Variants in KIFAP3 observed in about 807,000 individuals in gnomAD.
KIFAP3 encodes the protein kinesin associated protein 3.
KIFAP3 carries 68 observed loss-of-function variants against 106.5 expected under a neutral mutation model. The observed-to-expected ratio is 0.64, with a 90% CI of 0.53 to 0.78. KIFAP3 has a LOEUF of 0.78. Ranked by LOEUF, KIFAP3 falls within the 30% of genes least tolerant of loss-of-function variation. KIFAP3 has a pLI of 0.00. For missense variants in KIFAP3, 780 were observed against 941.8 expected, an observed-to-expected ratio of 0.83 and a Z score of 2.25; for synonymous variants, 320 against 311.5, an observed-to-expected ratio of 1.03 and a Z score of -0.29.
intron 11 of KIFAP3, among the ~76,000 whole-genome samples, chr1:169,987,368 AC>A (rs1666881570): frequency 6.6e-6 from 1 of 152,024 alleles, no homozygotes; most frequent in Non-Finnish European, 1.5e-5. Flanking sequence ...GACTGAAATC[AC>A]TGTGTCTAGA....
At chr1:169,964,751 C>T (rs927255688) in intron 17 of KIFAP3, among the ~76,000 whole-genome samples, 8 of 152,070 alleles carry the variant, frequency 5.3e-5, no homozygotes, top group Non-Finnish European at 8.8e-5. Flanking sequence ...AAATACCAAG[C>T]GATACCTCAT....
Position 169,983,297 on chromosome 1 carries a change from A to T in KIFAP3, c.1479T>A (p.His493Gln), listed in dbSNP as rs1387109236. The change falls in exon 13 of 20, where the codon CAT becomes CAA. Residue 493 changes from histidine (H) to glutamine (Q), a missense_variant. By Grantham distance (24) the His-to-Gln change is conservative. This residue lies in a region of KIFAP3 where 588 missense variants were observed against 678.9 expected (regional missense o/e 0.87). Coordinates refer to ENST00000361580, the MANE Select transcript of KIFAP3 (RefSeq NM_014970.4). ...TAAACAGATTTTTAGTTGGTCCATC[A>T]TGCTGAGAAATGTTTCTAATCATTT... is the stretch of plus-strand genomic sequence containing the variant. Reference protein sequence around the residue: ...LMKMIRNISQHDGPTKNLFID... With the variant: ...LMKMIRNISQQDGPTKNLFID... The T allele has an allele frequency of 6.2e-6, 10 of 1,607,018 alleles. No homozygotes were observed. The highest frequency in any genetic ancestry group is 1.3e-5 in the African/African-American group (1 of 74,544).
At chr1:170,013,843 A>G (rs1412350927) in intron 10 of KIFAP3, among the ~76,000 whole-genome samples, 2 of 152,194 alleles carry the variant, frequency 1.3e-5, no homozygotes, top group East Asian at 3.8e-4. Context: ...GAATGTAGCA[A>G]TATGAATTTG....
At chr1:170,022,737 T>TAGA (rs150049915) in intron 9 of KIFAP3, among the ~76,000 whole-genome samples, 9,584 of 152,240 alleles carry the variant, frequency 0.063, 380 homozygotes, top group Non-Finnish European at 0.095. Flanking sequence ...CTCTTAATCT[T>TAGA]AGAATAACAA....
At chr1:170,082,999 T>G (rs191418955) in intron 1 of KIFAP3, among the ~76,000 whole-genome samples, 1 of 151,814 alleles carries the variant, frequency 6.6e-6, no homozygotes. Context: ...ATAAACACAG[T>G]TGAAGAGAAA....
At chr1:169,997,436 T>C (rs1011978176) in intron 10 of KIFAP3, among the ~76,000 whole-genome samples, 9 of 152,286 alleles carry the variant, frequency 5.9e-5, no homozygotes, top group African/African-American at 2.2e-4. Context: ...TTTTTTATCC[T>C]CAAGACTTGA....
intron 3 of KIFAP3, chr1:170,041,674 G>A (rs1419252233): frequency 4.6e-6 from 7 of 1,533,880 alleles, no homozygotes; most frequent in East Asian, 2.4e-5. Flanking sequence ...AGGCATTACC[G>A]ACCTTCACAT....
chr1:169,943,995 TA>T (rs1209213517), intron 19 of KIFAP3, among the ~76,000 whole-genome samples: 3 of 152,250 alleles, frequency 2.0e-5, no homozygotes, highest in Non-Finnish European at 4.4e-5. Flanking sequence ...GTCAAAGTCC[TA>T]ATGTCACAGG....
intron 10 of KIFAP3, among the ~76,000 whole-genome samples, chr1:169,999,970 G>A: frequency 6.6e-6 from 1 of 152,014 alleles, no homozygotes; most frequent in East Asian, 1.9e-4. Context: ...CAGCTCTCTG[G>A]GCTGCTCTCA....
chr1:170,052,134 T>C (rs1298915312), intron 2 of KIFAP3, among the ~76,000 whole-genome samples: 1 of 151,548 alleles, frequency 6.6e-6, no homozygotes, highest in Non-Finnish European at 1.5e-5. Context: ...ATTGACACAA[T>C]AAAATATAAT....
chr1:169,982,635 G>C, intron 14 of KIFAP3, 67 bp downstream of exon 14: 2 of 1,082,754 alleles, frequency 1.8e-6, no homozygotes, highest in Admixed American at 4.8e-5. Flanking sequence ...TACTGCTCTA[G>C]CAGCCTTATC....
At chr1:169,937,703 T>C (rs1000309442) in intron 19 of KIFAP3, among the ~76,000 whole-genome samples, 1 of 151,836 alleles carries the variant, frequency 6.6e-6, no homozygotes, top group African/African-American at 2.4e-5. Context: ...CCTCCAAAGA[T>C]ACAACCAACT....
intron 19 of KIFAP3, among the ~76,000 whole-genome samples, chr1:169,932,719 T>TCA (rs1663563893): frequency 7.1e-6 from 1 of 141,456 alleles, no homozygotes; most frequent in African/African-American, 2.7e-5. Context: ...AATGTTAAGT[T>TCA]TTTTTTTTTG....
chr1:170,027,240 G>A (rs572685914), intron 8 of KIFAP3, among the ~76,000 whole-genome samples: 11 of 152,016 alleles, frequency 7.2e-5, no homozygotes, highest in African/African-American at 2.4e-4. Context: ...GGCTGGTCTC[G>A]AACTCCTGAC....
intron 16 of KIFAP3, among the ~76,000 whole-genome samples, chr1:169,977,825 A>C (rs538120807): frequency 6.6e-6 from 1 of 152,268 alleles, no homozygotes; most frequent in African/African-American, 2.4e-5. Context: ...GTGTTAATAG[A>C]GAAGGAAGTT....
intron 19 of KIFAP3, among the ~76,000 whole-genome samples, chr1:169,936,205 T>TC (rs1482948599): frequency 0.061 from 4 of 66 alleles, no homozygotes; most frequent in Non-Finnish European, 0.094. Flanking sequence ...TGTCTCTTGT[T>TC]CCCTTGGAAC....
chr1:170,081,611 A>C (rs1342361729), intron 1 of KIFAP3, among the ~76,000 whole-genome samples: 1 of 152,206 alleles, frequency 6.6e-6, no homozygotes, highest in African/African-American at 2.4e-5. Context: ...AGCCAGCAAC[A>C]GTGGCCCAAG....
chr1:169,948,628 G>A (rs1047471741), intron 19 of KIFAP3, among the ~76,000 whole-genome samples: 1 of 151,954 alleles, frequency 6.6e-6, no homozygotes, highest in Non-Finnish European at 1.5e-5. Context: ...TATGGCCACA[G>A]TAATGAAGAT....
chr1:169,958,153 C>T (rs1205789196), intron 18 of KIFAP3: 1 of 152,342 alleles, frequency 6.6e-6, no homozygotes, highest in Admixed American at 6.5e-5. Flanking sequence ...ATTGGCATAG[C>T]TCACTATAAT....
Sources: gnomAD v4.1 joint callset for allele counts (sites outside exome capture counted in the v4.1 genomes callset) on GRCh38, gnomAD v4.1.1 for gene constraint, gnomAD v4.1.1 regional missense constraint, MANE v1.5 for transcripts, NCBI Gene and HGNC (gene_info 2026-07-23, HGNC 2026-07-21) for gene names.